C1orf87: variants seen among roughly 807,000 people sequenced by gnomAD.
C1orf87 encodes the protein uncharacterized protein C1orf87.
In C1orf87, 58 loss-of-function variants were observed where a neutral mutation model predicts 60.5. The observed-to-expected ratio is 0.96, with a 90% CI of 0.78 to 1.19. C1orf87 has a LOEUF of 1.19. Ranked by LOEUF, C1orf87 falls within the 50% of genes most tolerant of loss-of-function variation. C1orf87 has a pLI of 0.00. For missense variants in C1orf87, 673 were observed against 638.6 expected (o/e 1.05, Z -0.58); for synonymous variants, 236 against 227.4 (o/e 1.04, Z -0.34).
At chr1:59,990,966 A>G (rs1644917897) in intron 11 of C1orf87, 133 bp from the exon 12 acceptor site, 4 of 822,160 alleles carry the variant, frequency 4.9e-6, no homozygotes, top group Non-Finnish European at 7.4e-6. Context: ...GCTTCTTAAA[A>G]ATCAAGTGGC....
intron 9 of C1orf87, among the ~76,000 whole-genome samples, chr1:60,004,198 C>G (rs776555930): frequency 5.3e-5 from 8 of 151,980 alleles, no homozygotes; most frequent in Non-Finnish European, 1.0e-4. Flanking sequence ...ACATCTAACC[C>G]TGATTCTTCT....
At chr1:60,050,988 A>C (rs1645410316) in intron 3 of C1orf87, among the ~76,000 whole-genome samples, 1 of 152,196 alleles carries the variant, frequency 6.6e-6, no homozygotes, top group Non-Finnish European at 1.5e-5. Flanking sequence ...ATGCTTCTTG[A>C]TAGAGCTGCT....
intron 9 of C1orf87, chr1:60,008,989 C>T: frequency 1.0e-5 from 2 of 192,184 alleles, no homozygotes; most frequent in Non-Finnish European, 2.2e-5. Flanking sequence ...GTGGTAGCTG[C>T]TTTCTACAGT....
chr1:60,036,720 C>G (rs1211184631), intron 6 of C1orf87, among the ~76,000 whole-genome samples: 1 of 152,172 alleles, frequency 6.6e-6, no homozygotes, highest in East Asian at 1.9e-4. Context: ...CTAACCACTG[C>G]AATTTGTCAC....
intron 2 of C1orf87, among the ~76,000 whole-genome samples, chr1:60,060,061 C>G (rs1645484313): frequency 6.7e-6 from 1 of 150,188 alleles, no homozygotes; most frequent in South Asian, 2.1e-4. Flanking sequence ...GCTATTGTGT[C>G]AAAGTATGAA....
intron 9 of C1orf87, among the ~76,000 whole-genome samples, chr1:60,008,251 A>G (rs1283522567): frequency 2.0e-5 from 3 of 152,098 alleles, no homozygotes; most frequent in Non-Finnish European, 4.4e-5. Context: ...TAAGATCAAT[A>G]GGGCAGGTTT....
intron 9 of C1orf87, among the ~76,000 whole-genome samples, chr1:60,004,818 G>A (rs1370186212): frequency 6.6e-6 from 1 of 151,932 alleles, no homozygotes; most frequent in Non-Finnish European, 1.5e-5. Flanking sequence ...GGTTTTACAG[G>A]GTTTCCAGTG....
intron 6 of C1orf87, among the ~76,000 whole-genome samples, chr1:60,037,423 G>C (rs761549108): frequency 7.9e-5 from 12 of 152,162 alleles, no homozygotes; most frequent in Non-Finnish European, 1.5e-4. Context: ...AGTTCACAGG[G>C]GTGAGAAGTG....
intron 3 of C1orf87, among the ~76,000 whole-genome samples, chr1:60,047,056 T>C (rs1028742826): frequency 6.6e-6 from 1 of 152,224 alleles, no homozygotes; most frequent in African/African-American, 2.4e-5. Context: ...CATTGCTTAA[T>C]TCCTTTCGTT....
At chr1:59,993,183 T>C (rs1644937069) in intron 11 of C1orf87, among the ~76,000 whole-genome samples, 1 of 152,168 alleles carries the variant, frequency 6.6e-6, no homozygotes, top group Non-Finnish European at 1.5e-5. Flanking sequence ...ATCATGCCAT[T>C]GCATTCTAGC....
intron 3 of C1orf87, among the ~76,000 whole-genome samples, chr1:60,052,967 C>T (rs893298081): frequency 3.9e-5 from 6 of 152,186 alleles, no homozygotes; most frequent in Non-Finnish European, 7.3e-5. Context: ...AGAGTGTTAG[C>T]CCCCGCTGAG....
chr1:60,054,733 G>T (rs1024716956), intron 3 of C1orf87, among the ~76,000 whole-genome samples: 1 of 152,174 alleles, frequency 6.6e-6, no homozygotes, highest in African/African-American at 2.4e-5. Context: ...TTGTTTGGTT[G>T]ATTGTTAACA....
At chr1:60,018,323 C>A (rs1407004988) in intron 8 of C1orf87, among the ~76,000 whole-genome samples, 1 of 152,056 alleles carries the variant, frequency 6.6e-6, no homozygotes, top group African/African-American at 2.4e-5. Context: ...TTTTTTAGTT[C>A]TTATGGTTGT....
intron 2 of C1orf87, among the ~76,000 whole-genome samples, chr1:60,063,673 A>G (rs1239041970): frequency 2.6e-5 from 4 of 152,130 alleles, no homozygotes; most frequent in South Asian, 2.1e-4. Context: ...ATGCTCTTTC[A>G]TCAGATATTT....
At chr1:60,026,505 T>G (rs1645199062) in intron 7 of C1orf87, among the ~76,000 whole-genome samples, 5 of 135,280 alleles carry the variant, frequency 3.7e-5, no homozygotes, top group East Asian at 4.3e-4. Flanking sequence ...GAGGGGAGAG[T>G]ACAGAAGAAG....
chr1:60,072,611 T>C lies in C1orf87; in HGVS notation c.33A>G (p.Ser11=), dbSNP rs146458795. ...TCACCATGATCTCAGGCATTGCATC[T>C]GATCCACGGGGAGTCTTCCAGGCTG... MSSAWKTPRG[S]DAMPEIMVKI... The change falls in exon 2 of 12, where the codon TCA becomes TCG. Residue 11 remains serine, a synonymous_variant. Transcript: ENST00000371201. 66 of 1,613,068 alleles carry C rather than the reference T, an allele frequency of 4.1e-5. 1 individual carries two copies. The African/African-American group carries it at 6.7e-4, about 16-fold the overall frequency.
At chr1:60,017,421 T>C (rs1266158017) in intron 8 of C1orf87, among the ~76,000 whole-genome samples, 1 of 152,162 alleles carries the variant, frequency 6.6e-6, no homozygotes, top group Non-Finnish European at 1.5e-5. Flanking sequence ...ATGGACCAGA[T>C]GTGTATGATA....
At chr1:60,056,083 A>G (rs1230991697) in intron 2 of C1orf87, among the ~76,000 whole-genome samples, 1 of 152,078 alleles carries the variant, frequency 6.6e-6, no homozygotes, top group African/African-American at 2.4e-5. Context: ...GTCTCTACTA[A>G]AAATACAAAA....
intron 9 of C1orf87, among the ~76,000 whole-genome samples, chr1:60,006,740 G>A (rs772516238): frequency 6.6e-6 from 1 of 152,014 alleles, no homozygotes; most frequent in African/African-American, 2.4e-5. Context: ...TTTTATATGT[G>A]TCTTAATGGG....
Sources: allele counts gnomAD v4.1 joint callset (sites outside exome capture counted in the v4.1 genomes callset), GRCh38; gene constraint gnomAD v4.1.1; transcripts MANE v1.5; gene names NCBI Gene and HGNC (gene_info 2026-07-23, HGNC 2026-07-21).